The following SLC4A8 variants were observed in gnomAD, a reference collection of about 807,000 sequenced individuals.
SLC4A8 encodes solute carrier family 4 member 8.
SLC4A8 carries 40 observed loss-of-function variants against 125.0 expected under a neutral mutation model. That is an observed-to-expected ratio of 0.32 (90% CI 0.25 to 0.42). The LOEUF (loss-of-function observed/expected upper bound fraction) is 0.42. Ranked by LOEUF, SLC4A8 falls within the 10% of genes least tolerant of loss-of-function variation. The pLI is 1.00. For synonymous variants in SLC4A8, 456 were observed against 476.0 expected, an observed-to-expected ratio of 0.96 and a Z score of 0.55; for missense variants, 863 against 1,355.1, an observed-to-expected ratio of 0.64 and a Z score of 5.70.
chr12:51,452,698 A>T (rs1950005964), intron 4 of SLC4A8, among the ~76,000 whole-genome samples: 1 of 152,180 alleles, frequency 6.6e-6, no homozygotes, highest in Non-Finnish European at 1.5e-5. Context: ...TTGAGACTTT[A>T]ACTTCCTCTG....
chr12:51,461,116 G>A, intron 8 of SLC4A8, 88 bp from the exon 9 acceptor site: 1 of 602,640 alleles, frequency 1.7e-6, no homozygotes. Context: ...TGTACGATAA[G>A]AGAGAGAAAT....
chr12:51,491,641 G>T (rs1026041520), intron 19 of SLC4A8, among the ~76,000 whole-genome samples: 8 of 151,832 alleles, frequency 5.3e-5, no homozygotes, highest in African/African-American at 1.9e-4. Context: ...AGCTGACCAT[G>T]ATAAAAATCA....
chr12:51,503,275 A>T (rs1938011854), intron 22 of SLC4A8, among the ~76,000 whole-genome samples: 1 of 148,592 alleles, frequency 6.7e-6, no homozygotes, highest in Non-Finnish European at 1.5e-5. Flanking sequence ...CCCAGGCTGG[A>T]GTACAGTGGC....
chr12:51,491,710 T>C (rs1003391193), intron 19 of SLC4A8, among the ~76,000 whole-genome samples: 1 of 150,876 alleles, frequency 6.6e-6, no homozygotes, highest in Admixed American at 6.6e-5. Flanking sequence ...CATGTCTGGC[T>C]CTTCCTCCAC....
chr12:51,431,806 G>A (rs1193317054), intron 1 of SLC4A8, among the ~76,000 whole-genome samples: 1 of 152,098 alleles, frequency 6.6e-6, no homozygotes, highest in Non-Finnish European at 1.5e-5. Flanking sequence ...GGGCAGTTTG[G>A]GGTGCAGGGT....
intron 16 of SLC4A8, among the ~76,000 whole-genome samples, chr12:51,477,764 A>T (rs1163442525): frequency 6.6e-6 from 1 of 152,036 alleles, no homozygotes; most frequent in South Asian, 2.1e-4. Flanking sequence ...CCATTTTTCC[A>T]TGTATCGCCT....
chr12:51,406,856 G>C (rs2137953778), intron 1 of SLC4A8, among the ~76,000 whole-genome samples: 1 of 152,362 alleles, frequency 6.6e-6, no homozygotes, highest in African/African-American at 2.4e-5. Context: ...TGCAGCTAAT[G>C]AGGAGGAGCC....
chr12:51,425,189 G>T, intron 1 of SLC4A8, 154 bp downstream of exon 1: 1 of 1,422,284 alleles, frequency 7.0e-7, no homozygotes, highest in African/African-American at 1.5e-5. Flanking sequence ...GGGGCGCTCC[G>T]GGCGGTTGGG....
At chr12:51,477,481 G>A (rs1408078291) in intron 16 of SLC4A8, among the ~76,000 whole-genome samples, 1 of 152,202 alleles carries the variant, frequency 6.6e-6, no homozygotes, top group Non-Finnish European at 1.5e-5. Flanking sequence ...ATTCACTTGG[G>A]TTTGTGATAT....
chr12:51,423,021 T>C (rs1416636979), upstream of SLC4A8, among the ~76,000 whole-genome samples: 1 of 152,238 alleles, frequency 6.6e-6, no homozygotes, highest in Non-Finnish European at 1.5e-5. Context: ...ACAGTGTTAC[T>C]TGGGCCTGTT....
chr12:51,453,264 G>A (rs1392437521), intron 4 of SLC4A8, among the ~76,000 whole-genome samples: 1 of 152,080 alleles, frequency 6.6e-6, no homozygotes, highest in Non-Finnish European at 1.5e-5. Flanking sequence ...CAACTGCAGG[G>A]TTAATGAGGA....
chr12:51,501,829 A>G (rs1052011951), intron 22 of SLC4A8: 2 of 152,088 alleles, frequency 1.3e-5, no homozygotes, highest in African/African-American at 4.8e-5. Flanking sequence ...TTATTTTTTG[A>G]CTTTTTAATA....
rs1218262397 is a variant in SLC4A8 at position 51,475,065 on chromosome 12, A to G, written c.2031A>G (p.Gly677=). The G allele has an allele frequency of 6.2e-7, 1 of 1,613,820 alleles. No homozygotes were observed. The highest frequency in any genetic ancestry group is 8.5e-7 in the Non-Finnish European group (1 of 1,179,902). The change falls in exon 16 of 25, where the codon GGA becomes GGG. Residue 677 remains glycine (G), a synonymous_variant. Transcript: ENST00000453097. ...TCCAGGAATGCCAGGAGATGCATGG[A>G]GAGTTCATGGGATCTGCGTGCGGCC... ...LTVSECQEMH[G]EFMGSACGHH...
chr12:51,432,938 T>G (rs576604751), intron 1 of SLC4A8, among the ~76,000 whole-genome samples: 11 of 152,270 alleles, frequency 7.2e-5, no homozygotes, highest in African/African-American at 2.4e-4. Flanking sequence ...TGAGACCTAC[T>G]GCAGGAAAGG....
At chr12:51,423,506 G>A (rs2138013664), upstream of SLC4A8, among the ~76,000 whole-genome samples, 1 of 152,262 alleles carries the variant, frequency 6.6e-6, no homozygotes, top group Non-Finnish European at 1.5e-5. Context: ...TAGACAGGAG[G>A]CTTATACAGG....
chr12:51,465,910 C>T (rs186784811), intron 11 of SLC4A8, among the ~76,000 whole-genome samples: 2 of 152,278 alleles, frequency 1.3e-5, no homozygotes, highest in East Asian at 3.9e-4. Context: ...CTGGACTGCA[C>T]AAACTAAAAC....
chr12:51,393,473 G>A (rs1948200049), intron 1 of SLC4A8, among the ~76,000 whole-genome samples: 1 of 152,142 alleles, frequency 6.6e-6, no homozygotes. Flanking sequence ...GTTCTGACAC[G>A]CACTGGGAAA....
At chr12:51,466,713 T>C (rs1950527148) in intron 11 of SLC4A8, among the ~76,000 whole-genome samples, 1 of 152,214 alleles carries the variant, frequency 6.6e-6, no homozygotes, top group East Asian at 1.9e-4. Flanking sequence ...TGAGGCTGAC[T>C]CCATAAAGTG....
At chr12:51,442,649 T>C (rs1202869212) in intron 2 of SLC4A8, among the ~76,000 whole-genome samples, 1 of 152,206 alleles carries the variant, frequency 6.6e-6, no homozygotes, top group African/African-American at 2.4e-5. Flanking sequence ...ACGTAGACTT[T>C]TTTGAAAACT....
Sources: allele counts gnomAD v4.1 joint callset (sites outside exome capture counted in the v4.1 genomes callset), GRCh38; gene constraint gnomAD v4.1.1; transcripts MANE v1.5; gene names NCBI Gene and HGNC (gene_info 2026-07-23, HGNC 2026-07-21).